Variants in SGCE observed in about 807,000 individuals in gnomAD.
SGCE encodes the protein sarcoglycan epsilon, also known as epsilon-sarcoglycan.
SGCE carries 26 observed loss-of-function variants against 57.8 expected under a neutral mutation model. That is an observed-to-expected ratio of 0.45 (90% CI 0.33 to 0.62). SGCE has a LOEUF of 0.62. Ranked by LOEUF, SGCE falls within the 20% of genes least tolerant of loss-of-function variation. The probability of loss-of-function intolerance (pLI) is 0.02; values close to 1 mark genes in which losing one functional copy is unlikely to be tolerated. For synonymous variants in SGCE, 183 were observed against 189.5 expected, an observed-to-expected ratio of 0.97 and a Z score of 0.28; for missense variants, 468 against 548.6, an observed-to-expected ratio of 0.85 and a Z score of 1.47.
intron 5 of SGCE, chr7:94,617,406 T>G (rs945271260): frequency 6.6e-6 from 1 of 152,192 alleles, no homozygotes; most frequent in Non-Finnish European, 1.5e-5. Context: ...TGCTGTTTCC[T>G]CCAACATTAT....
At chr7:94,599,239 T>C in intron 8 of SGCE, 1 of 322,026 alleles carries the variant, frequency 3.1e-6, no homozygotes, top group Non-Finnish European at 5.6e-6. Flanking sequence ...AGTAACCAAC[T>C]AGTTTTCTAT....
chr7:94,609,545 A>G (rs545372570), intron 5 of SGCE, among the ~76,000 whole-genome samples: 1 of 152,194 alleles, frequency 6.6e-6, no homozygotes, highest in Non-Finnish European at 1.5e-5. Context: ...AACAACAACA[A>G]CAAAAAGCCA....
chr7:94,642,597 T>C (rs1806549009), intron 1 of SGCE, among the ~76,000 whole-genome samples: 1 of 152,178 alleles, frequency 6.6e-6, no homozygotes, highest in Non-Finnish European at 1.5e-5. Flanking sequence ...CTGTGAACTC[T>C]AGAAGACAGA....
In SGCE at chr7:94,588,674, A is replaced by T; in HGVS notation, c.1297+15T>A. The T allele has an allele frequency of 6.3e-7, 1 of 1,580,820 alleles. No individual in the cohort carries two copies. Among genetic ancestry groups the T allele is most frequent in the Non-Finnish European group, 8.7e-7 (1 of 1,149,942 alleles). On this transcript the variant is annotated intron_variant, in intron 10 of 10. Coordinates refer to ENST00000648936, the MANE Select transcript of SGCE (RefSeq NM_003919.3). ...ATTCATTCATAAACATTAATTTATTATTCTTAGCACTCACCTGTAGTCTGC... is the reference window on the plus strand; with the variant it reads ...ATTCATTCATAAACATTAATTTATTTTTCTTAGCACTCACCTGTAGTCTGC...
intron 10 of SGCE, chr7:94,588,274 C>A: frequency 9.5e-7 from 1 of 1,055,426 alleles, no homozygotes; most frequent in Non-Finnish European, 1.1e-6. Flanking sequence ...ATTTATCCCC[C>A]TGAAGCCTCA....
At position 94,614,730 on chromosome 7, in the gene SGCE, A is replaced by G. The variant is rs113585406; in HGVS notation, c.662+4028T>C. Among the ~76,000 whole-genome samples, 252 of 152,276 alleles carry G rather than the reference A, an allele frequency of 1.7e-3. 1 individual carries two copies. Among genetic ancestry groups the G allele is most frequent in the African/African-American group, 5.9e-3 (245 of 41,546 alleles). ...TGTGATGCCTCAATTGTGGTACTTAAAACACTGATTTTAATTATCTGATTA... is the reference window on the plus strand; with the variant it reads ...TGTGATGCCTCAATTGTGGTACTTAGAACACTGATTTTAATTATCTGATTA... On this transcript the variant is annotated intron_variant, in intron 5 of 10. Transcript: ENST00000648936.
At chr7:94,600,603 T>G in intron 7 of SGCE, 43 bp downstream of exon 7, 1 of 1,410,398 alleles carries the variant, frequency 7.1e-7, no homozygotes, top group Non-Finnish European at 1.0e-6. Context: ...TGTTGTTATC[T>G]TAGCAGGATC....
At chr7:94,628,029 GAGA>G in intron 3 of SGCE, 170 bp downstream of exon 3, 1 of 559,476 alleles carries the variant, frequency 1.8e-6, no homozygotes, top group Non-Finnish European at 3.2e-6. Flanking sequence ...TTTATAAACA[GAGA>G]AGAATGGCAC....
chr7:94,601,947 G>A (rs1469425298), intron 6 of SGCE, among the ~76,000 whole-genome samples: 1 of 151,388 alleles, frequency 6.6e-6, no homozygotes, highest in African/African-American at 2.4e-5. Flanking sequence ...GGCAAGATGT[G>A]GCATAAAAAT....
intron 4 of SGCE, chr7:94,621,827 T>G (rs1454469581): frequency 1.3e-5 from 2 of 152,224 alleles, no homozygotes; most frequent in Admixed American, 1.3e-4. Context: ...AAAATCTCCC[T>G]GATCCAAACA....
intron 1 of SGCE, among the ~76,000 whole-genome samples, chr7:94,635,524 G>A (rs1805493192): frequency 6.6e-6 from 1 of 152,116 alleles, no homozygotes; most frequent in Non-Finnish European, 1.5e-5. Context: ...AACTCTTTAT[G>A]AGATTCAGAG....
chr7:94,600,578 T>C, intron 7 of SGCE, 68 bp downstream of exon 7: 1 of 1,206,116 alleles, frequency 8.3e-7, no homozygotes, highest in South Asian at 1.3e-5. Flanking sequence ...ACTTTGCTTT[T>C]AATGGAATCT....
intron 1 of SGCE, among the ~76,000 whole-genome samples, chr7:94,650,833 A>T (rs989744154): frequency 1.1e-4 from 17 of 152,216 alleles, no homozygotes; most frequent in Non-Finnish European, 1.8e-4. Flanking sequence ...AACATCAGAG[A>T]GTTCATGTTG....
At chr7:94,647,763 C>T (rs1807307247) in intron 1 of SGCE, among the ~76,000 whole-genome samples, 1 of 152,146 alleles carries the variant, frequency 6.6e-6, no homozygotes, top group Non-Finnish European at 1.5e-5. Flanking sequence ...CTTCCTTTTA[C>T]CTCATATATA....
chr7:94,625,826 T>G (rs1326066856), intron 3 of SGCE: 1 of 152,090 alleles, frequency 6.6e-6, no homozygotes, highest in African/African-American at 2.4e-5. Context: ...CTTTCCAGTG[T>G]TGTGCTATAC....
At chr7:94,628,743 G>A (rs756436432) in intron 2 of SGCE, 6 of 175,858 alleles carry the variant, frequency 3.4e-5, no homozygotes, top group Non-Finnish European at 7.3e-5. Context: ...TATCATATGA[G>A]TATGAAAGAT....
At chr7:94,651,803 G>T (rs1407675155) in intron 1 of SGCE, among the ~76,000 whole-genome samples, 1 of 152,130 alleles carries the variant, frequency 6.6e-6, no homozygotes, top group Non-Finnish European at 1.5e-5. Flanking sequence ...TGGCTTGGAA[G>T]CAATCCATGT....
intron 5 of SGCE, among the ~76,000 whole-genome samples, chr7:94,610,301 T>A (rs965349630): frequency 1.3e-5 from 2 of 152,180 alleles, no homozygotes; most frequent in Non-Finnish European, 2.9e-5. Context: ...TATACATTTG[T>A]CCAAACCCAC....
Position 94,598,858 on chromosome 7 carries a change from G to T in SGCE, c.1170C>A (p.Phe390Leu), listed in dbSNP as rs1798796572. 1 of 1,611,952 alleles carries T rather than the reference G, an allele frequency of 6.2e-7. No individual in the cohort carries two copies. Among genetic ancestry groups the T allele is most frequent in the Non-Finnish European group, 8.5e-7 (1 of 1,178,012 alleles). Residue 390 changes from phenylalanine to leucine, a missense_variant, in exon 9 of 11, where the codon TTC becomes TTA. Transcript: ENST00000648936. The part of the protein sequence containing the change: ...IAWPLSTLPV[F>L]HPVTGEIIPP... Reference sequence around the variant, plus strand: ...GTATGATTTCCCCAGTCACAGGGTGGAACACAGGAAGCGTTGACAGGGGCC... The same window carrying T: ...GTATGATTTCCCCAGTCACAGGGTGTAACACAGGAAGCGTTGACAGGGGCC...
Sources: gnomAD v4.1 joint callset for allele counts (sites outside exome capture counted in the v4.1 genomes callset) on GRCh38, gnomAD v4.1.1 for gene constraint, MANE v1.5 for transcripts, NCBI Gene and HGNC (gene_info 2026-07-23, HGNC 2026-07-21) for gene names.